COL21A1: variants seen among roughly 807,000 people sequenced by gnomAD.
COL21A1 encodes collagen alpha-1(XXI) chain.
Under a neutral mutation model 137.9 loss-of-function variants are expected in COL21A1, and 149 were observed. The ratio of observed to expected loss-of-function variants is 1.08; its 90% CI spans 0.95 to 1.24. COL21A1 has a LOEUF of 1.24. COL21A1 is among the 50% of genes most tolerant of loss of function. COL21A1 has a pLI of 0.00. For synonymous variants in COL21A1, 456 were observed against 391.5 expected (o/e 1.16, Z -1.95); for missense variants, 1,167 against 1,158.4 (o/e 1.01, Z -0.11).
At chr6:56,202,727 A>ATTTGACGGATAT (rs1232657347) in intron 1 of COL21A1, among the ~76,000 whole-genome samples, 1 of 152,200 alleles carries the variant, frequency 6.6e-6, no homozygotes, top group East Asian at 1.9e-4. Context: ...ATATTACATA[A>ATTTGACGGATAT]TATCCGTCAA....
chr6:56,355,757 T>A (rs1048219871), intron 1 of COL21A1, among the ~76,000 whole-genome samples: 1 of 152,168 alleles, frequency 6.6e-6, no homozygotes, highest in Non-Finnish European at 1.5e-5. Context: ...GGATAAACCA[T>A]GAGTTGAGGG....
intron 1 of COL21A1, among the ~76,000 whole-genome samples, chr6:56,317,048 G>A (rs1764755335): frequency 6.6e-6 from 1 of 152,082 alleles, no homozygotes; most frequent in Non-Finnish European, 1.5e-5. Flanking sequence ...GTAAATATTA[G>A]CACCAGTTTA....
At position 56,270,849 on chromosome 6, in the gene COL21A1, C is replaced by T. The variant is rs184584634; in HGVS notation, c.-38-88193G>A. Among the ~76,000 whole-genome samples, 30 of 152,320 alleles carry T rather than the reference C, an allele frequency of 2.0e-4. No individual in the cohort carries two copies. The East Asian group carries it at 5.6e-3, about 28-fold the overall frequency. On this transcript the variant is annotated intron_variant, in intron 1 of 28. Coordinates refer to the COL21A1 transcript ENST00000370819. ...AAGAAGGTGCCTGCTTCCCCTTCAC[C>T]TTCTGCCACAATTGTAAGTTTCCTG...
chr6:56,325,143 T>C (rs1289033758), intron 1 of COL21A1, among the ~76,000 whole-genome samples: 1 of 147,652 alleles, frequency 6.8e-6, no homozygotes, highest in Non-Finnish European at 1.5e-5. Flanking sequence ...AAGCCTCCTA[T>C]GTTGCATAAA....
intron 13 of COL21A1, 49 bp downstream of exon 13, chr6:56,126,047 G>A: frequency 9.0e-7 from 1 of 1,111,594 alleles, no homozygotes; most frequent in Non-Finnish European, 1.3e-6. Context: ...CTTTATATTT[G>A]AATTAAAAAA....
intron 1 of COL21A1, among the ~76,000 whole-genome samples, chr6:56,379,203 A>C (rs1480438825): frequency 6.6e-6 from 1 of 152,246 alleles, no homozygotes; most frequent in East Asian, 1.9e-4. Flanking sequence ...AAGACCATCC[A>C]GGAAAACATG....
At chr6:56,378,564 T>C (rs1029191533) in intron 1 of COL21A1, among the ~76,000 whole-genome samples, 4 of 152,182 alleles carry the variant, frequency 2.6e-5, no homozygotes, top group Admixed American at 2.6e-4. Context: ...TGCGGTACAA[T>C]AGAACACCAG....
At chr6:56,098,929 A>T (rs1362095666) in intron 17 of COL21A1, among the ~76,000 whole-genome samples, 2 of 149,618 alleles carry the variant, frequency 1.3e-5, no homozygotes, top group African/African-American at 4.9e-5. Flanking sequence ...GTTAGCCAGG[A>T]TGGTCTCAAT....
At chr6:56,143,044 A>G (rs1582469714) in intron 10 of COL21A1, among the ~76,000 whole-genome samples, 2 of 152,134 alleles carry the variant, frequency 1.3e-5, no homozygotes, top group African/African-American at 4.8e-5. Context: ...ATTTTCAAGT[A>G]TCCTTTCTAA....
At chr6:56,339,044 A>C (rs1562063257) in intron 1 of COL21A1, among the ~76,000 whole-genome samples, 1 of 152,198 alleles carries the variant, frequency 6.6e-6, no homozygotes, top group South Asian at 2.1e-4. Flanking sequence ...AGCATGTATG[A>C]AGCATAGCAT....
At chr6:56,343,394 T>A (rs1765513672) in intron 1 of COL21A1, among the ~76,000 whole-genome samples, 1 of 152,208 alleles carries the variant, frequency 6.6e-6, no homozygotes, top group Non-Finnish European at 1.5e-5. Flanking sequence ...TTCCAGAACC[T>A]GCAATAATAA....
intron 1 of COL21A1, among the ~76,000 whole-genome samples, chr6:56,358,618 G>T (rs1442885004): frequency 1.3e-5 from 2 of 152,116 alleles, no homozygotes; most frequent in African/African-American, 4.8e-5. Context: ...AATTCTGTAT[G>T]TTTTTAAGCT....
At chr6:56,309,753 G>C (rs1333252312) in intron 1 of COL21A1, among the ~76,000 whole-genome samples, 2 of 152,090 alleles carry the variant, frequency 1.3e-5, no homozygotes, top group Non-Finnish European at 2.9e-5. Context: ...TATCATAATG[G>C]TCTTTAGAAC....
rs776541760 is a variant in COL21A1, at chr6:56,125,646, A to G, written c.1597-26T>C. ...CTAAAAGACAAAATATAAATAGTGA[A>G]TATTTAAGAAATATGAATATTTTTC... On this transcript the variant is annotated intron_variant, in intron 13 of 29. Coordinates refer to ENST00000244728, the MANE Select transcript of COL21A1 (RefSeq NM_030820.4). 4.3e-6 allele frequency: 6 copies of G among 1,391,310 alleles called. No homozygotes were observed. In the South Asian group the frequency reaches 9.0e-5, roughly 21 times the overall value. 86.2% of individuals were successfully genotyped at this position (1,391,310 alleles called of 1,614,324 possible).
intron 1 of COL21A1, among the ~76,000 whole-genome samples, chr6:56,316,854 C>T (rs1343835099): frequency 6.6e-6 from 1 of 152,036 alleles, no homozygotes; most frequent in Non-Finnish European, 1.5e-5. Context: ...AGTAGTTTGA[C>T]ATTTAAAATT....
intron 9 of COL21A1, among the ~76,000 whole-genome samples, chr6:56,160,012 A>G (rs1040665040): frequency 2.0e-5 from 3 of 152,194 alleles, no homozygotes; most frequent in African/African-American, 7.2e-5. Context: ...AACAGCCCCA[A>G]GAAGAAAATA....
upstream of COL21A1, among the ~76,000 whole-genome samples, chr6:56,247,999 C>A (rs202033095): frequency 1.3e-5 from 2 of 152,174 alleles, no homozygotes; most frequent in Non-Finnish European, 2.9e-5. Flanking sequence ...TTGCTTTCAA[C>A]CAAAAGTAAC....
At chr6:56,279,609 C>T (rs949187290) in intron 1 of COL21A1, among the ~76,000 whole-genome samples, 1 of 152,166 alleles carries the variant, frequency 6.6e-6, no homozygotes, top group Admixed American at 6.5e-5. Flanking sequence ...TCTGGAAATA[C>T]TTAAGGGTGA....
intron 1 of COL21A1, among the ~76,000 whole-genome samples, chr6:56,264,735 C>G (rs910174596): frequency 2.0e-5 from 3 of 152,068 alleles, no homozygotes; most frequent in Non-Finnish European, 4.4e-5. Context: ...TGTTTCATAC[C>G]ATTCTCCTGT....
Sources: allele counts gnomAD v4.1 joint callset (sites outside exome capture counted in the v4.1 genomes callset), GRCh38; gene constraint gnomAD v4.1.1; transcripts MANE v1.5; gene names NCBI Gene and HGNC (gene_info 2026-07-23, HGNC 2026-07-21).